The following FSTL4 variants were observed in gnomAD, a reference collection of about 807,000 sequenced individuals.
FSTL4 encodes the protein follistatin like 4, also known as follistatin-related protein 4.
Under a neutral mutation model 78.2 loss-of-function variants are expected in FSTL4, and 28 were observed. The ratio of observed to expected loss-of-function variants is 0.36; its 90% CI spans 0.27 to 0.49. FSTL4 has a LOEUF of 0.49. Among genes scored for constraint, FSTL4 ranks in the 20% least tolerant of loss-of-function variants. The pLI, the probability that FSTL4 is intolerant of heterozygous loss-of-function variation, is 0.98. For synonymous variants in FSTL4, 422 were observed against 440.5 expected (o/e 0.96, Z 0.53); for missense variants, 922 against 1,084.9 (o/e 0.85, Z 2.11).
chr5:133,507,523 AT>A (rs35891659), intron 3 of FSTL4, among the ~76,000 whole-genome samples: 17,140 of 136,010 alleles, frequency 0.13, 1,842 homozygotes, highest in African/African-American at 0.32. Context: ...ACTTGAAAGC[AT>A]TTTTTTTTTT....
the FSTL4 span, among the ~76,000 whole-genome samples, chr5:133,752,549 G>A: frequency 6.6e-6 from 1 of 152,080 alleles, no homozygotes; most frequent in Admixed American, 6.5e-5. Context: ...GGCAGAGGTT[G>A]CAGTGATCTA....
intron 4 of FSTL4, 125 bp downstream of exon 4, chr5:133,400,613 C>A: frequency 1.2e-6 from 1 of 851,580 alleles, no homozygotes; most frequent in Non-Finnish European, 1.8e-6. Flanking sequence ...TGTTACACAC[C>A]AGTCTTTGTC....
At chr5:133,549,054 G>A (rs1228804179) in intron 3 of FSTL4, among the ~76,000 whole-genome samples, 4 of 152,136 alleles carry the variant, frequency 2.6e-5, no homozygotes, top group African/African-American at 9.7e-5. Context: ...TATTCTGCAA[G>A]TTTTTGTTGT....
intron 6 of FSTL4, among the ~76,000 whole-genome samples, chr5:133,276,163 A>G (rs1161543587): frequency 6.6e-6 from 1 of 152,208 alleles, no homozygotes; most frequent in Non-Finnish European, 1.5e-5. Flanking sequence ...TGGGGTCTGC[A>G]CCTTCCTTAA....
intron 3 of FSTL4, among the ~76,000 whole-genome samples, chr5:133,431,870 GT>G (rs984624513): frequency 2.0e-5 from 3 of 152,056 alleles, no homozygotes; most frequent in South Asian, 2.1e-4. Context: ...AATCCTTGGG[GT>G]TTTTTTCATT....
chr5:133,639,239 G>T, the FSTL4 span, among the ~76,000 whole-genome samples: 1 of 152,124 alleles, frequency 6.6e-6, no homozygotes, highest in Non-Finnish European at 1.5e-5. Context: ...TCACTCATAA[G>T]TCAGAGTTAA....
intron 8 of FSTL4, among the ~76,000 whole-genome samples, chr5:133,228,076 C>T (rs1309655849): frequency 6.6e-6 from 1 of 151,914 alleles, no homozygotes; most frequent in Non-Finnish European, 1.5e-5. Context: ...AACATACAAA[C>T]ATTAGCCGGG....
intron 4 of FSTL4, among the ~76,000 whole-genome samples, chr5:133,381,695 C>T (rs188952061): frequency 1.5e-3 from 223 of 152,320 alleles, no homozygotes; most frequent in Non-Finnish European, 2.3e-3. Flanking sequence ...TGCCATACGT[C>T]ATAATAGAAA....
chr5:133,651,780 G>GA, the FSTL4 span, among the ~76,000 whole-genome samples: 1 of 152,072 alleles, frequency 6.6e-6, no homozygotes, highest in South Asian at 2.1e-4. Context: ...TTTGGTATTG[G>GA]AGTAATGCTG....
chr5:133,614,493 G>A (rs538488065), upstream of FSTL4, among the ~76,000 whole-genome samples: 3 of 152,224 alleles, frequency 2.0e-5, no homozygotes, highest in South Asian at 2.1e-4. Flanking sequence ...AAGTCACCTC[G>A]GAATGAGAAA....
At chr5:133,780,813 C>T in the FSTL4 span, among the ~76,000 whole-genome samples, 23 of 152,122 alleles carry the variant, frequency 1.5e-4, no homozygotes, top group African/African-American at 4.3e-4. Flanking sequence ...CAGAGTCACA[C>T]GGCTGGTAGG....
At chr5:133,542,391 C>G (rs1759494927) in intron 3 of FSTL4, among the ~76,000 whole-genome samples, 1 of 152,154 alleles carries the variant, frequency 6.6e-6, no homozygotes, top group South Asian at 2.1e-4. Flanking sequence ...CTAATTTTTG[C>G]TTAGGACTTT....
At chr5:133,508,650 A>T (rs1758662452) in intron 3 of FSTL4, among the ~76,000 whole-genome samples, 1 of 152,246 alleles carries the variant, frequency 6.6e-6, no homozygotes. Flanking sequence ...GTATGGAAGA[A>T]CGTGTGTAGG....
At chr5:133,758,797 T>C in the FSTL4 span, among the ~76,000 whole-genome samples, 2 of 152,202 alleles carry the variant, frequency 1.3e-5, no homozygotes, top group African/African-American at 4.8e-5. Flanking sequence ...ACTCAGATCT[T>C]CCATAAGGTT....
At chr5:133,211,379 C>T (rs1339367406) in intron 13 of FSTL4, among the ~76,000 whole-genome samples, 2 of 152,166 alleles carry the variant, frequency 1.3e-5, no homozygotes, top group Non-Finnish European at 2.9e-5. Context: ...AGTTTGGTGC[C>T]TTCAATCCAC....
chr5:133,556,446 C>T (rs1042084354), intron 3 of FSTL4, among the ~76,000 whole-genome samples: 7 of 152,088 alleles, frequency 4.6e-5, no homozygotes, highest in African/African-American at 7.2e-5. Context: ...TGGCTCCTGG[C>T]GGGGTGCGGT....
At chr5:133,825,279 T>G in the FSTL4 span, among the ~76,000 whole-genome samples, 1 of 152,170 alleles carries the variant, frequency 6.6e-6, no homozygotes, top group Non-Finnish European at 1.5e-5. Context: ...CTGCCAATCC[T>G]ATGCTCAAAA....
the FSTL4 span, among the ~76,000 whole-genome samples, chr5:133,798,785 C>A: frequency 6.6e-6 from 1 of 152,126 alleles, no homozygotes; most frequent in African/African-American, 2.4e-5. Context: ...AAACCCATCA[C>A]CCCCATGCCT....
intron 4 of FSTL4, among the ~76,000 whole-genome samples, chr5:133,320,760 C>T (rs2126896753): frequency 6.6e-6 from 1 of 152,282 alleles, no homozygotes; most frequent in African/African-American, 2.4e-5. Flanking sequence ...GTAATCCCAG[C>T]ACTTTGGGAG....
Sources: allele counts gnomAD v4.1 joint callset (sites outside exome capture counted in the v4.1 genomes callset), GRCh38; gene constraint gnomAD v4.1.1; transcripts MANE v1.5; gene names NCBI Gene and HGNC (gene_info 2026-07-23, HGNC 2026-07-21).